Variants in PTPRD observed in about 807,000 individuals in gnomAD.
PTPRD encodes protein tyrosine phosphatase receptor type D.
PTPRD carries 34 observed loss-of-function variants against 214.5 expected under a neutral mutation model. The ratio of observed to expected loss-of-function variants is 0.16; its 90% CI spans 0.12 to 0.21. The LOEUF is 0.21. PTPRD is among the 10% of genes least tolerant of loss of function. The pLI is 1.00. For missense variants in PTPRD, 2,545 were observed against 2,398.7 expected (o/e 1.06, Z -1.27); for synonymous variants, 1,128 against 845.7 (o/e 1.33, Z -5.79).
At chr9:8,986,110 A>C (rs893752445) in intron 11 of PTPRD, among the ~76,000 whole-genome samples, 2 of 152,090 alleles carry the variant, frequency 1.3e-5, no homozygotes, top group African/African-American at 4.8e-5. Flanking sequence ...AGTGTGCAGT[A>C]ATACCAACCT....
intron 21 of PTPRD, among the ~76,000 whole-genome samples, chr9:8,515,327 T>C (rs952744753): frequency 2.0e-5 from 3 of 152,132 alleles, no homozygotes; most frequent in African/African-American, 7.2e-5. Flanking sequence ...GTGTCCTCCA[T>C]ATGTTAGCTA....
At chr9:8,673,841 A>G (rs1009254011) in intron 12 of PTPRD, among the ~76,000 whole-genome samples, 1 of 152,072 alleles carries the variant, frequency 6.6e-6, no homozygotes, top group African/African-American at 2.4e-5. Flanking sequence ...ATTTGTTATA[A>G]GTGCTATTGA....
At chr9:9,272,837 T>C (rs1943481257) in intron 9 of PTPRD, among the ~76,000 whole-genome samples, 1 of 151,282 alleles carries the variant, frequency 6.6e-6, no homozygotes, top group South Asian at 2.1e-4. Context: ...CAAGATATTC[T>C]GTGGTGATGC....
rs1253972351 is a variant in PTPRD at position 8,315,008 on chromosome 9, G to GTAAC, written c.*2862_*2865dup. ...ATATATTTTGATTTTTTTTACCATT[G>GTAAC]TAACTAATTACAAAATTATACATAA... On this transcript the variant is annotated 3_prime_UTR_variant, in exon 46 of 46. Transcript: ENST00000381196. 1.7e-5 allele frequency: 4 copies of GTAAC among 231,858 alleles called. No homozygotes were observed. Among genetic ancestry groups the GTAAC allele is most frequent in the African/African-American group, 4.4e-5 (2 of 45,118 alleles). 14.4% of individuals were successfully genotyped at this position (231,858 alleles called of 1,614,324 possible).
intron 14 of PTPRD, among the ~76,000 whole-genome samples, chr9:8,533,313 C>T (rs1217945889): frequency 6.6e-6 from 1 of 151,984 alleles, no homozygotes; most frequent in Non-Finnish European, 1.5e-5. Flanking sequence ...AGTCCTTTGA[C>T]TCTGACCCCA....
At chr9:10,195,908 T>C (rs1030007540) in intron 3 of PTPRD, among the ~76,000 whole-genome samples, 2 of 152,094 alleles carry the variant, frequency 1.3e-5, no homozygotes, top group African/African-American at 4.8e-5. Flanking sequence ...ATGAAAAAAC[T>C]ATAACTTGTA....
intron 10 of PTPRD, among the ~76,000 whole-genome samples, chr9:9,144,646 C>G (rs551947970): frequency 6.6e-6 from 1 of 151,816 alleles, no homozygotes; most frequent in Non-Finnish European, 1.5e-5. Flanking sequence ...CCAGCTACTC[C>G]GGAGGTTGAA....
At chr9:10,065,530 C>A (rs910473721) in intron 3 of PTPRD, among the ~76,000 whole-genome samples, 1 of 151,762 alleles carries the variant, frequency 6.6e-6, no homozygotes, top group Admixed American at 6.6e-5. Context: ...AGTGCTCAAC[C>A]ATTTTCAGTA....
intron 3 of PTPRD, among the ~76,000 whole-genome samples, chr9:10,118,217 TATCTATCTATC>T (rs1214296865): frequency 6.6e-6 from 1 of 151,700 alleles, no homozygotes; most frequent in African/African-American, 2.4e-5. Flanking sequence ...TCTATCTATC[TATCTATCTATC>T]TATCTACATA....
At chr9:10,364,123 C>T (rs369284746) in intron 2 of PTPRD, among the ~76,000 whole-genome samples, 39 of 150,964 alleles carry the variant, frequency 2.6e-4, no homozygotes, top group African/African-American at 6.6e-4. Context: ...CCTCAGCCTC[C>T]GGAGTAGCTG....
At chr9:8,428,038 T>C (rs376483361) in intron 35 of PTPRD, among the ~76,000 whole-genome samples, 1 of 152,178 alleles carries the variant, frequency 6.6e-6, no homozygotes, top group Non-Finnish European at 1.5e-5. Flanking sequence ...CTTCTTTATA[T>C]AGAGATGAAC....
intron 5 of PTPRD, among the ~76,000 whole-genome samples, chr9:9,768,756 A>G (rs1479808045): frequency 6.6e-6 from 1 of 152,246 alleles, no homozygotes; most frequent in Non-Finnish European, 1.5e-5. Context: ...CCATGAAAAC[A>G]AAAGTATGGG....
At chr9:9,929,007 A>C (rs536154600) in intron 5 of PTPRD, among the ~76,000 whole-genome samples, 1 of 152,282 alleles carries the variant, frequency 6.6e-6, no homozygotes, top group South Asian at 2.1e-4. Context: ...TAAGTCTCAG[A>C]GGTTCGAAGA....
intron 12 of PTPRD, among the ~76,000 whole-genome samples, chr9:8,678,809 A>G (rs1444561575): frequency 6.6e-6 from 1 of 152,216 alleles, no homozygotes; most frequent in Admixed American, 6.5e-5. Context: ...ATCCAGTCTA[A>G]TAACATAAAA....
chr9:8,835,123 G>T (rs58887696), intron 11 of PTPRD, among the ~76,000 whole-genome samples: 16,462 of 152,218 alleles, frequency 0.11, 2,601 homozygotes, highest in African/African-American at 0.34. Context: ...GAATCAGAGA[G>T]TCAGCAAAGC....
chr9:9,482,390 A>G (rs2095453262), intron 8 of PTPRD, among the ~76,000 whole-genome samples: 1 of 152,142 alleles, frequency 6.6e-6, no homozygotes, highest in Non-Finnish European at 1.5e-5. Context: ...AATGAGCTTT[A>G]TTTTTTAAAG....
intron 14 of PTPRD, among the ~76,000 whole-genome samples, chr9:8,566,100 A>ATGTGTGTGTGTGTGTG (rs139478736): frequency 0.022 from 3,025 of 137,848 alleles, 57 homozygotes; most frequent in Middle Eastern, 0.052. Context: ...AATGCAAAAT[A>ATGTGTGTGTGTGTGTG]TGTGTGTGTG....
intron 3 of PTPRD, among the ~76,000 whole-genome samples, chr9:10,125,913 G>C (rs183732024): frequency 5.3e-5 from 8 of 152,164 alleles, no homozygotes; most frequent in Admixed American, 2.0e-4. Context: ...TAAAGATATG[G>C]TAATATATTG....
chr9:8,739,589 T>C (rs144730454), intron 11 of PTPRD, among the ~76,000 whole-genome samples: 19 of 152,248 alleles, frequency 1.2e-4, no homozygotes, highest in Non-Finnish European at 2.5e-4. Flanking sequence ...TTTGGAGGTG[T>C]AGACTGAAAC....
Sources: gnomAD v4.1 joint callset for allele counts (sites outside exome capture counted in the v4.1 genomes callset) on GRCh38, gnomAD v4.1.1 for gene constraint, MANE v1.5 for transcripts, NCBI Gene and HGNC (gene_info 2026-07-23, HGNC 2026-07-21) for gene names.